ENOX1: variants seen among roughly 807,000 people sequenced by gnomAD.
ENOX1 encodes the protein candidate growth-related and time keeping constitutive hydroquinone (NADH) oxidase.
A neutral mutation model predicts 82.5 loss-of-function variants in ENOX1; 42 were observed. That is an observed-to-expected ratio of 0.51 (90% CI 0.40 to 0.66). ENOX1 has a LOEUF of 0.66. Among genes scored for constraint, ENOX1 ranks in the 30% least tolerant of loss-of-function variants. ENOX1 has a pLI of 0.00. For missense variants in ENOX1, 608 were observed against 811.6 expected, an observed-to-expected ratio of 0.75 and a Z score of 3.05; for synonymous variants, 271 against 282.2, an observed-to-expected ratio of 0.96 and a Z score of 0.40.
chr13:43,767,842 G>C (rs975698166), intron 1 of ENOX1, among the ~76,000 whole-genome samples: 37 of 152,216 alleles, frequency 2.4e-4, no homozygotes, highest in African/African-American at 8.7e-4. Flanking sequence ...GCAATACACT[G>C]GATGCCAGAT....
At chr13:43,595,576 C>T (rs1015521234) in intron 2 of ENOX1, among the ~76,000 whole-genome samples, 3 of 152,002 alleles carry the variant, frequency 2.0e-5, no homozygotes, top group African/African-American at 7.3e-5. Flanking sequence ...GTATCATGGC[C>T]CTCAATTAAC....
At chr13:43,283,321 A>C (rs2045508618) in intron 12 of ENOX1, among the ~76,000 whole-genome samples, 1 of 152,028 alleles carries the variant, frequency 6.6e-6, no homozygotes, top group South Asian at 2.1e-4. Context: ...ATGTTGCCAA[A>C]GATTTTCCAT....
intron 1 of ENOX1, among the ~76,000 whole-genome samples, chr13:43,677,166 G>A (rs1163830022): frequency 6.6e-6 from 1 of 152,048 alleles, no homozygotes; most frequent in Non-Finnish European, 1.5e-5. Context: ...CAATGAGATT[G>A]GCAGAGAATA....
At chr13:43,646,632 C>T (rs1274418837) in intron 2 of ENOX1, among the ~76,000 whole-genome samples, 1 of 152,168 alleles carries the variant, frequency 6.6e-6, no homozygotes, top group Non-Finnish European at 1.5e-5. Context: ...TGATTACATG[C>T]TGTCACAGGC....
chr13:43,671,233 T>C (rs1390368), intron 1 of ENOX1, among the ~76,000 whole-genome samples: 13,299 of 152,212 alleles, frequency 0.087, 908 homozygotes, highest in East Asian at 0.26. Flanking sequence ...GAACTGTCAG[T>C]CAATTAAACC....
chr13:43,550,792 A>C (rs1356037663), intron 2 of ENOX1, among the ~76,000 whole-genome samples: 1 of 152,220 alleles, frequency 6.6e-6, no homozygotes, highest in Non-Finnish European at 1.5e-5. Flanking sequence ...GGACATAGCA[A>C]AGAAGTTGTA....
intron 2 of ENOX1, among the ~76,000 whole-genome samples, chr13:43,587,440 C>T (rs1437084220): frequency 1.3e-5 from 2 of 152,136 alleles, no homozygotes; most frequent in Non-Finnish European, 2.9e-5. Context: ...TTCTTGTGTA[C>T]TACATACATT....
intron 1 of ENOX1, among the ~76,000 whole-genome samples, chr13:43,686,184 A>G (rs1337752730): frequency 6.6e-6 from 1 of 152,206 alleles, no homozygotes; most frequent in Non-Finnish European, 1.5e-5. Flanking sequence ...GTGTTATCTC[A>G]TTTAATCCTC....
chr13:43,775,896 C>G (rs1479069736), intron 1 of ENOX1, among the ~76,000 whole-genome samples: 10 of 152,186 alleles, frequency 6.6e-5, no homozygotes, highest in African/African-American at 1.9e-4. Flanking sequence ...TGGTGGCCCC[C>G]AGCTTTGCTC....
At chr13:43,681,005 A>G (rs565933994) in intron 1 of ENOX1, among the ~76,000 whole-genome samples, 2 of 152,122 alleles carry the variant, frequency 1.3e-5, no homozygotes, top group Non-Finnish European at 2.9e-5. Flanking sequence ...AGCAAACAGG[A>G]GGTGCATTTC....
At chr13:43,293,345 C>A (rs2046112241) in intron 12 of ENOX1, among the ~76,000 whole-genome samples, 1 of 152,110 alleles carries the variant, frequency 6.6e-6, no homozygotes, top group Non-Finnish European at 1.5e-5. Flanking sequence ...ACCATAGTTA[C>A]CTTCACAAGC....
At chr13:43,458,902 A>G (rs1015331986) in intron 3 of ENOX1, 4 of 151,012 alleles carry the variant, frequency 2.6e-5, no homozygotes, top group African/African-American at 7.3e-5. Flanking sequence ...TTGACTACAG[A>G]CTCTCCCCCT....
At chr13:43,343,291 C>A (rs989518286) in intron 9 of ENOX1, among the ~76,000 whole-genome samples, 16 of 152,188 alleles carry the variant, frequency 1.1e-4, no homozygotes, top group Non-Finnish European at 2.2e-4. Context: ...AAAATTCTAT[C>A]CCTAATAACC....
At chr13:43,445,165 C>T (rs1288166136) in intron 3 of ENOX1, among the ~76,000 whole-genome samples, 1 of 149,944 alleles carries the variant, frequency 6.7e-6, no homozygotes, top group Admixed American at 6.6e-5. Flanking sequence ...GCTTTGTTGC[C>T]CAGGCTGGGG....
intron 1 of ENOX1, among the ~76,000 whole-genome samples, chr13:43,780,317 C>CA (rs56908774): frequency 0.018 from 2,369 of 135,006 alleles, 54 homozygotes; most frequent in African/African-American, 0.056. Context: ...GTTCCCTGGA[C>CA]AAAAAAAAAA....
At chr13:43,739,467 T>C (rs1221914803) in intron 1 of ENOX1, among the ~76,000 whole-genome samples, 1 of 152,034 alleles carries the variant, frequency 6.6e-6, no homozygotes, top group African/African-American at 2.4e-5. Flanking sequence ...GAAAATCGCC[T>C]GAGCTCAGGA....
chr13:43,505,463 T>G (rs1297823935), intron 2 of ENOX1, among the ~76,000 whole-genome samples: 1 of 152,030 alleles, frequency 6.6e-6, no homozygotes, highest in Non-Finnish European at 1.5e-5. Context: ...TCAAATTTTC[T>G]TTCTTAAATA....
At chr13:43,470,341 CGTATATATATAT>C (rs1566306774) in intron 3 of ENOX1, among the ~76,000 whole-genome samples, 307 of 7,980 alleles carry the variant, frequency 0.038, 18 homozygotes, top group African/African-American at 0.062. Flanking sequence ...TATATATATA[CGTATATATATAT>C]GTATATATAT....
chr13:43,534,400 C>G (rs1348368642), intron 2 of ENOX1, among the ~76,000 whole-genome samples: 2 of 152,050 alleles, frequency 1.3e-5, no homozygotes, highest in Non-Finnish European at 2.9e-5. Flanking sequence ...GATTTCCACA[C>G]CAGGTACAGA....
Sources: allele counts gnomAD v4.1 joint callset (sites outside exome capture counted in the v4.1 genomes callset), GRCh38; gene constraint gnomAD v4.1.1; transcripts MANE v1.5; gene names NCBI Gene and HGNC (gene_info 2026-07-23, HGNC 2026-07-21).